The following DLC1 variants were observed in gnomAD, a reference collection of about 807,000 sequenced individuals.
DLC1 encodes DLC1 Rho GTPase activating protein, also known as rho GTPase-activating protein 7.
In DLC1, 54 loss-of-function variants were observed where a neutral mutation model predicts 140.3. The ratio of observed to expected loss-of-function variants is 0.38; its 90% CI spans 0.31 to 0.48. The LOEUF (loss-of-function observed/expected upper bound fraction) is 0.48. Ranked by LOEUF, DLC1 falls within the 20% of genes least tolerant of loss-of-function variation. DLC1 has a pLI of 0.96. For synonymous variants in DLC1, 986 were observed against 728.1 expected, an observed-to-expected ratio of 1.35 and a Z score of -5.70; for missense variants, 2,536 against 1,907.0, an observed-to-expected ratio of 1.33 and a Z score of -6.14.
intron 1 of DLC1, among the ~76,000 whole-genome samples, chr8:13,500,662 T>C (rs1332575243): frequency 2.0e-5 from 3 of 152,166 alleles, no homozygotes; most frequent in African/African-American, 7.2e-5. Context: ...ACTTGAGCTA[T>C]AGAGACAGCA....
chr8:13,282,297 A>G (rs1831390382), intron 5 of DLC1, among the ~76,000 whole-genome samples: 1 of 152,148 alleles, frequency 6.6e-6, no homozygotes, highest in Admixed American at 6.5e-5. Flanking sequence ...TCTGCAGTTG[A>G]CTACAGTTTT....
At chr8:13,603,158 C>T (rs764317231) in intron 1 of DLC1, among the ~76,000 whole-genome samples, 3 of 151,732 alleles carry the variant, frequency 2.0e-5, no homozygotes, top group Non-Finnish European at 3.0e-5. Context: ...TTAAGTCACA[C>T]GGAATAATAA....
At chr8:13,385,713 A>C (rs1215922917) in intron 4 of DLC1, among the ~76,000 whole-genome samples, 5 of 152,174 alleles carry the variant, frequency 3.3e-5, no homozygotes, top group Non-Finnish European at 5.9e-5. Context: ...TGATTGATTC[A>C]GCTCAAAACT....
At chr8:13,347,688 A>C (rs1249071223) in intron 4 of DLC1, among the ~76,000 whole-genome samples, 2 of 152,210 alleles carry the variant, frequency 1.3e-5, no homozygotes, top group Non-Finnish European at 2.9e-5. Context: ...AAATTGGGAA[A>C]GATGGACAGG....
chr8:13,242,593 C>T (rs1172770859), intron 5 of DLC1, among the ~76,000 whole-genome samples: 7 of 151,978 alleles, frequency 4.6e-5, no homozygotes, highest in South Asian at 2.1e-4. Context: ...AGAGTTTTGC[C>T]GTTTGCCCAG....
intron 1 of DLC1, chr8:13,566,908 C>A (rs563038052): frequency 2.1e-6 from 3 of 1,442,754 alleles, no homozygotes; most frequent in South Asian, 1.5e-5. Context: ...GAGATCCATT[C>A]CCGGAGGGGT....
At chr8:13,492,626 A>G (rs1349183301) in intron 2 of DLC1, among the ~76,000 whole-genome samples, 2 of 151,984 alleles carry the variant, frequency 1.3e-5, no homozygotes, top group Non-Finnish European at 2.9e-5. Context: ...GATTTCAGTG[A>G]CTAGATGCTT....
At chr8:13,484,699 G>A (rs1800884406) in intron 2 of DLC1, among the ~76,000 whole-genome samples, 1 of 151,988 alleles carries the variant, frequency 6.6e-6, no homozygotes, top group Non-Finnish European at 1.5e-5. Context: ...GAGTGGCAAT[G>A]AAATTCTGCC....
chr8:13,386,633 G>A (rs947096098), intron 4 of DLC1, among the ~76,000 whole-genome samples: 1 of 152,000 alleles, frequency 6.6e-6, no homozygotes, highest in African/African-American at 2.4e-5. Context: ...AAAGTAAATG[G>A]CCGTGGAAAT....
At chr8:13,500,578 C>T (rs543256772) in intron 1 of DLC1, among the ~76,000 whole-genome samples, 2 of 152,288 alleles carry the variant, frequency 1.3e-5, no homozygotes, top group African/African-American at 4.8e-5. Context: ...TTTGTGAACA[C>T]AAGTTGTTAA....
chr8:13,146,598 A>G (rs911607439), intron 5 of DLC1, among the ~76,000 whole-genome samples: 1 of 152,040 alleles, frequency 6.6e-6, no homozygotes, highest in African/African-American at 2.4e-5. Context: ...CTACTTTCCA[A>G]TATTAATATC....
intron 1 of DLC1, among the ~76,000 whole-genome samples, chr8:13,539,731 C>G (rs1365138538): frequency 6.9e-6 from 1 of 145,520 alleles, no homozygotes; most frequent in Non-Finnish European, 1.5e-5. Flanking sequence ...GAAGATGAGG[C>G]ATTAAGAAAT....
At chr8:13,236,263 T>TCTTGATTTTCTATAGA (rs1829274994) in intron 5 of DLC1, among the ~76,000 whole-genome samples, 1 of 152,112 alleles carries the variant, frequency 6.6e-6, no homozygotes, top group African/African-American at 2.4e-5. Flanking sequence ...TGTTACATAT[T>TCTTGATTTTCTATAGA]CTTGATTTTC....
intron 5 of DLC1, among the ~76,000 whole-genome samples, chr8:13,258,159 G>T (rs1274236370): frequency 1.3e-5 from 2 of 152,100 alleles, no homozygotes; most frequent in African/African-American, 4.8e-5. Flanking sequence ...AAACATTCCA[G>T]TCCCTGAAGA....
chr8:13,509,544 G>C (rs1196389532), intron 1 of DLC1, among the ~76,000 whole-genome samples: 5 of 152,130 alleles, frequency 3.3e-5, no homozygotes, highest in African/African-American at 1.2e-4. Context: ...AAGTGCATTA[G>C]AAACTTATAA....
At chr8:13,406,562 G>T (rs1023566164) in intron 2 of DLC1, among the ~76,000 whole-genome samples, 2 of 152,094 alleles carry the variant, frequency 1.3e-5, no homozygotes, top group Non-Finnish European at 2.9e-5. Context: ...GAATGATGTG[G>T]TGCCCATGTT....
intron 13 of DLC1, among the ~76,000 whole-genome samples, chr8:13,091,656 A>G (rs1311194608): frequency 1.3e-5 from 2 of 152,160 alleles, no homozygotes; most frequent in Non-Finnish European, 2.9e-5. Context: ...GATGAAATCC[A>G]GGTGATTCAA....
At chr8:13,555,809 A>ATT (rs78986507) in intron 1 of DLC1, among the ~76,000 whole-genome samples, 2 of 146,904 alleles carry the variant, frequency 1.4e-5, no homozygotes, top group African/African-American at 5.0e-5. Flanking sequence ...GCCTTGTAGC[A>ATT]TTTTTTTTTT....
chr8:13,124,342 T>A (rs1025867), intron 5 of DLC1, among the ~76,000 whole-genome samples: 27,050 of 152,138 alleles, frequency 0.18, 2,699 homozygotes, highest in South Asian at 0.26. Context: ...GAGAGGGGAT[T>A]CGGTGTAAAG....
Sources: allele counts gnomAD v4.1 joint callset (sites outside exome capture counted in the v4.1 genomes callset), GRCh38; gene constraint gnomAD v4.1.1; transcripts MANE v1.5; gene names NCBI Gene and HGNC (gene_info 2026-07-23, HGNC 2026-07-21).